The following PRKG1 variants were observed in gnomAD, a reference collection of about 807,000 sequenced individuals.
PRKG1 encodes the protein cGMP-dependent protein kinase 1.
PRKG1 carries 35 observed loss-of-function variants against 88.1 expected under a neutral mutation model. That is an observed-to-expected ratio of 0.40 (90% CI 0.30 to 0.53). The LOEUF is 0.53. PRKG1 is among the 20% of genes least tolerant of loss of function. The pLI, the probability that PRKG1 is intolerant of heterozygous loss-of-function variation, is 0.59. For synonymous variants in PRKG1, 303 were observed against 292.5 expected (o/e 1.04, Z -0.37); for missense variants, 540 against 839.8 (o/e 0.64, Z 4.41).
At chr10:51,685,916 G>C (rs1250766216) in intron 3 of PRKG1, among the ~76,000 whole-genome samples, 1 of 152,050 alleles carries the variant, frequency 6.6e-6, no homozygotes, top group Non-Finnish European at 1.5e-5. Context: ...TTCAGCCCTG[G>C]TCATTTGTGA....
At chr10:52,172,328 C>T (rs930725792) in intron 9 of PRKG1, among the ~76,000 whole-genome samples, 1 of 152,094 alleles carries the variant, frequency 6.6e-6, no homozygotes, top group African/African-American at 2.4e-5. Context: ...GAGTCTGTTT[C>T]CTTCTTCCAA....
intron 4 of PRKG1, among the ~76,000 whole-genome samples, chr10:51,871,857 A>G (rs1841167205): frequency 6.6e-6 from 1 of 152,188 alleles, no homozygotes; most frequent in South Asian, 2.1e-4. Flanking sequence ...AGGTGCCTAT[A>G]GGGCTTGGCA....
chr10:51,819,281 C>T (rs1839681702), intron 4 of PRKG1, among the ~76,000 whole-genome samples: 1 of 151,832 alleles, frequency 6.6e-6, no homozygotes, highest in Non-Finnish European at 1.5e-5. Context: ...CCAGCTTTCA[C>T]AGGAACTAAT....
At chr10:51,001,559 T>C (rs1275020965) in intron 1 of PRKG1, among the ~76,000 whole-genome samples, 1 of 152,224 alleles carries the variant, frequency 6.6e-6, no homozygotes, top group African/African-American at 2.4e-5. Flanking sequence ...GGAATGGCTT[T>C]GTTAAACGAG....
intron 4 of PRKG1, among the ~76,000 whole-genome samples, chr10:51,809,802 A>C (rs772557067): frequency 1.3e-4 from 20 of 152,028 alleles, no homozygotes; most frequent in Non-Finnish European, 2.5e-4. Flanking sequence ...ATATCTTCCC[A>C]TCACTCCTAG....
intron 4 of PRKG1, among the ~76,000 whole-genome samples, chr10:51,812,085 A>G (rs1839471257): frequency 6.6e-6 from 1 of 152,192 alleles, no homozygotes; most frequent in African/African-American, 2.4e-5. Context: ...TTGACTGTGA[A>G]TTTTAAATCA....
intron 8 of PRKG1, among the ~76,000 whole-genome samples, chr10:52,141,641 C>T (rs1837584269): frequency 6.6e-6 from 1 of 152,162 alleles, no homozygotes; most frequent in African/African-American, 2.4e-5. Context: ...TACAAAGGTT[C>T]TCTTTAGTAA....
chr10:51,871,457 T>A (rs958169028), intron 4 of PRKG1, among the ~76,000 whole-genome samples: 1 of 152,176 alleles, frequency 6.6e-6, no homozygotes, highest in Non-Finnish European at 1.5e-5. Context: ...TGATCCTACC[T>A]GCTGCCCACT....
chr10:51,825,970 G>A (rs908984495), intron 4 of PRKG1, among the ~76,000 whole-genome samples: 10 of 152,152 alleles, frequency 6.6e-5, no homozygotes, highest in Admixed American at 6.5e-4. Flanking sequence ...AGGAGAAGCA[G>A]GTGGGTTTAC....
At chr10:51,453,574 G>T (rs1472678215) in intron 2 of PRKG1, among the ~76,000 whole-genome samples, 1 of 151,928 alleles carries the variant, frequency 6.6e-6, no homozygotes, top group Non-Finnish European at 1.5e-5. Flanking sequence ...TTGACCCAAA[G>T]ACCATTTAAA....
At chr10:51,665,099 A>T (rs1043643045) in intron 3 of PRKG1, among the ~76,000 whole-genome samples, 42 of 152,164 alleles carry the variant, frequency 2.8e-4, no homozygotes, top group Admixed American at 6.6e-5. Flanking sequence ...TATTAACTGA[A>T]AAAAAGAATC....
At chr10:51,775,573 A>G (rs1265039775) in intron 3 of PRKG1, among the ~76,000 whole-genome samples, 1 of 150,850 alleles carries the variant, frequency 6.6e-6, no homozygotes, top group Non-Finnish European at 1.5e-5. Flanking sequence ...TTTAATTATT[A>G]TTATTATTAT....
chr10:52,207,363 C>G (rs1032941523), intron 9 of PRKG1, among the ~76,000 whole-genome samples: 1 of 152,044 alleles, frequency 6.6e-6, no homozygotes, highest in Non-Finnish European at 1.5e-5. Flanking sequence ...CCTGGTTGGG[C>G]ATCCAAGGCT....
At chr10:51,290,412 C>T (rs1840554629) in intron 2 of PRKG1, among the ~76,000 whole-genome samples, 2 of 151,912 alleles carry the variant, frequency 1.3e-5, no homozygotes, top group African/African-American at 4.8e-5. Flanking sequence ...TTACTTGAGC[C>T]CAGGATTTCC....
chr10:51,261,956 G>A (rs1439151545), intron 2 of PRKG1, among the ~76,000 whole-genome samples: 2 of 144,196 alleles, frequency 1.4e-5, no homozygotes, highest in Non-Finnish European at 3.0e-5. Context: ...GCAATCGCTC[G>A]GCTCACTGCA....
chr10:52,035,169 C>A (rs1285243459), intron 5 of PRKG1, among the ~76,000 whole-genome samples: 2 of 152,072 alleles, frequency 1.3e-5, no homozygotes, highest in Admixed American at 6.5e-5. Flanking sequence ...ACTGCGGTGG[C>A]CTTCTCAGAC....
intron 1 of PRKG1, among the ~76,000 whole-genome samples, chr10:51,120,666 T>C (rs1468617271): frequency 1.3e-5 from 2 of 152,202 alleles, no homozygotes; most frequent in Non-Finnish European, 2.9e-5. Context: ...AGTTAAGTAA[T>C]AGACCAAGTG....
chr10:51,558,460 T>A (rs1837370218), intron 3 of PRKG1, among the ~76,000 whole-genome samples: 1 of 152,114 alleles, frequency 6.6e-6, no homozygotes, highest in African/African-American at 2.4e-5. Flanking sequence ...GCATTATATC[T>A]ACACTATTCC....
chr10:51,290,403 T>C (rs7091762), intron 2 of PRKG1, among the ~76,000 whole-genome samples: 70,513 of 151,812 alleles, frequency 0.46, 17,842 homozygotes, highest in African/African-American at 0.67. Flanking sequence ...GCAGGAGGAT[T>C]ACTTGAGCCC....
Sources: gnomAD v4.1 joint callset for allele counts (sites outside exome capture counted in the v4.1 genomes callset) on GRCh38, gnomAD v4.1.1 for gene constraint, MANE v1.5 for transcripts, NCBI Gene and HGNC (gene_info 2026-07-23, HGNC 2026-07-21) for gene names.